The following DNAAF5 variants were observed in gnomAD, a reference collection of about 807,000 sequenced individuals.
DNAAF5 encodes the protein HEAT repeat containing 2.
In DNAAF5, 64 loss-of-function variants were observed where a neutral mutation model predicts 75.8. That is an observed-to-expected ratio of 0.84 (90% confidence interval 0.69 to 1.04). The LOEUF (loss-of-function observed/expected upper bound fraction) is 1.04, where lower values mean the gene tolerates loss of function less well. Among genes scored for constraint, DNAAF5 ranks in the 50% least tolerant of loss-of-function variants. DNAAF5 has a pLI of 0.00. For synonymous variants in DNAAF5, 657 were observed against 557.2 expected, an observed-to-expected ratio of 1.18 and a Z score of -2.52; for missense variants, 1,269 against 1,178.5, an observed-to-expected ratio of 1.08 and a Z score of -1.12.
intron 7 of DNAAF5, 56 bp from the exon 8 acceptor site, chr7:763,750 G>A: frequency 6.3e-7 from 1 of 1,576,346 alleles, no homozygotes; most frequent in Non-Finnish European, 8.7e-7. Flanking sequence ...CAGCAGGCAG[G>A]CAGGCTTGAG....
At chr7:757,310 A>G (rs1048130879) in intron 6 of DNAAF5, among the ~76,000 whole-genome samples, 6 of 52,750 alleles carry the variant, frequency 1.1e-4, no homozygotes, top group African/African-American at 4.1e-4. Context: ...TTTCTTGGCC[A>G]CACACCACAG....
At position 754,575 on chromosome 7, in the gene DNAAF5, C is replaced by CTTTTTT; in HGVS notation, c.1025-9_1025-8insTTTTTT. 1 of 1,604,756 alleles carries CTTTTTT rather than the reference C, an allele frequency of 6.2e-7. No homozygotes were observed. Among genetic ancestry groups the CTTTTTT allele is most frequent in the Admixed American group, 1.7e-5 (1 of 59,598 alleles). On this transcript the variant is annotated splice_polypyrimidine_tract_variant and intron_variant, in intron 4 of 12. Transcript: ENST00000297440. This position sits in a 1 kb window ranked among gnomAD's most constrained non-coding sequence, Gnocchi z 4.8. ...TTGTGAATTTCTCATTCTTCTTTCC[C>CTTTTTT]TTTTTCGTTCCAGAGCGCCGCCCTG...
At chr7:763,040 A>G (rs564564503) in intron 7 of DNAAF5, among the ~76,000 whole-genome samples, 52 of 152,298 alleles carry the variant, frequency 3.4e-4, no homozygotes, top group African/African-American at 9.4e-4. Flanking sequence ...CTCTGTGGAC[A>G]GCCCCTCTCG....
At chr7:779,903 G>C (rs769593785) in intron 11 of DNAAF5, 50 bp from the exon 12 acceptor site, 4 of 1,528,004 alleles carry the variant, frequency 2.6e-6, no homozygotes, top group African/African-American at 1.4e-5. Flanking sequence ...ACGTTTAGAC[G>C]TGAAATGTCT....
chr7:743,792 TCAC>T (rs1781996899), intron 4 of DNAAF5, among the ~76,000 whole-genome samples: 1 of 151,658 alleles, frequency 6.6e-6, no homozygotes, highest in African/African-American at 2.4e-5. Context: ...TTACAGGCAC[TCAC>T]CACCACGCCC....
chr7:732,933 A>G (rs1781631212), intron 2 of DNAAF5, among the ~76,000 whole-genome samples: 1 of 152,086 alleles, frequency 6.6e-6, no homozygotes, highest in South Asian at 2.1e-4. Flanking sequence ...GAGGTCTTTA[A>G]TCTATTTTGA....
At chr7:782,744 G>A (rs1264493057) in intron 12 of DNAAF5, among the ~76,000 whole-genome samples, 3 of 131,056 alleles carry the variant, frequency 2.3e-5, no homozygotes, top group Non-Finnish European at 3.2e-5. Flanking sequence ...CTCCCGTCAC[G>A]CAGCGTCAGA....
In DNAAF5 at chr7:764,086, G is replaced by T. The variant is rs549139622; in HGVS notation, c.1783+112G>T. The T allele has an allele frequency of 5.9e-6, 7 of 1,182,632 alleles. No individual in the cohort carries two copies. The Admixed American group carries it at 1.2e-4, about 20-fold the overall frequency. The allele number at this position is 1,182,632 out of a possible 1,614,324, so 73.3% of individuals were successfully genotyped here. On this transcript the variant is annotated intron_variant, in intron 8 of 12. Transcript: ENST00000297440. ...CCGACCAGCTGAGCTGTGGTTCACT[G>T]AAGCGTGTTGTTAAAAGTACCCAAT...
chr7:784,655 CCT>C (rs888260132), intron 12 of DNAAF5, among the ~76,000 whole-genome samples: 11 of 152,192 alleles, frequency 7.2e-5, no homozygotes, highest in African/African-American at 1.2e-4. Context: ...CCCGATGAAC[CCT>C]CCGTAAGCAT....
intron 2 of DNAAF5, among the ~76,000 whole-genome samples, chr7:731,617 G>A (rs1311764508): frequency 1.3e-5 from 2 of 152,174 alleles, no homozygotes; most frequent in Non-Finnish European, 2.9e-5. Flanking sequence ...AGCCCGGGAC[G>A]GCTTTGAATG....
intron 2 of DNAAF5, among the ~76,000 whole-genome samples, chr7:739,893 G>A (rs1781853070): frequency 6.6e-6 from 1 of 152,150 alleles, no homozygotes; most frequent in Non-Finnish European, 1.5e-5. Flanking sequence ...TGCTGCTCGG[G>A]TCCCCTGCAC....
chr7:752,362 G>A (rs929124457), intron 4 of DNAAF5, among the ~76,000 whole-genome samples: 2 of 147,780 alleles, frequency 1.4e-5, no homozygotes, highest in South Asian at 2.1e-4. Flanking sequence ...GAGTGATGAC[G>A]AAGCCTTTGT....
chr7:775,929 A>C (rs1469739489), intron 11 of DNAAF5, among the ~76,000 whole-genome samples: 2 of 152,160 alleles, frequency 1.3e-5, no homozygotes, highest in Non-Finnish European at 2.9e-5. Context: ...TTTATCAGAG[A>C]CTTGAGCATT....
intron 4 of DNAAF5, among the ~76,000 whole-genome samples, chr7:745,483 C>G (rs1053412351): frequency 1.3e-5 from 2 of 152,248 alleles, no homozygotes; most frequent in African/African-American, 4.8e-5. Flanking sequence ...CCTGTGCACA[C>G]ATGTACATGC....
chr7:726,974 T>A lies in DNAAF5; in HGVS notation c.254T>A (p.Leu85Gln). Residue 85 changes from leucine to glutamine, a missense_variant, in exon 1 of 13, where the codon CTG (leucine) becomes CAG (glutamine). By Grantham distance (113) the Leu-to-Gln change is moderately radical. Coordinates refer to ENST00000297440, the MANE Select transcript of DNAAF5 (RefSeq NM_017802.4). ...RLLLPRLLRCLSDPAEGCRAL... is the reference protein window; with the variant it reads ...RLLLPRLLRCQSDPAEGCRAL... ...CTGCTGCCGCGCTTGCTGCGCTGCC[T>A]GAGCGACCCCGCCGAGGGCTGCCGC... 1 of 1,303,576 alleles carries A rather than the reference T, an allele frequency of 7.7e-7. No homozygotes were observed. The highest frequency in any genetic ancestry group is 9.8e-7 in the Non-Finnish European group (1 of 1,021,750). The allele number at this position is 1,303,576 out of a possible 1,614,324, so 80.8% of individuals were successfully genotyped here.
At chr7:760,428 G>A (rs555255148) in intron 6 of DNAAF5, among the ~76,000 whole-genome samples, 7 of 152,186 alleles carry the variant, frequency 4.6e-5, no homozygotes, top group African/African-American at 1.7e-4. Flanking sequence ...ACATGGCCAC[G>A]GTCCTGACTC....
intron 2 of DNAAF5, among the ~76,000 whole-genome samples, chr7:732,241 T>C (rs1416600545): frequency 6.6e-6 from 1 of 152,240 alleles, no homozygotes. Context: ...CAGGGGCTAA[T>C]GCATCTCCCC....
At chr7:728,406 C>A (rs545412430) in intron 1 of DNAAF5, among the ~76,000 whole-genome samples, 1 of 152,262 alleles carries the variant, frequency 6.6e-6, no homozygotes, top group Admixed American at 6.5e-5. Context: ...AAGTGATAGA[C>A]CCGAGTTCAG....
chr7:732,493 G>T (rs1422845128), intron 2 of DNAAF5: 38 of 455,322 alleles, frequency 8.3e-5, no homozygotes, highest in South Asian at 5.3e-4. Context: ...TGTGCTGCTG[G>T]TGAGGCCACC....
Sources: allele counts gnomAD v4.1 joint callset (sites outside exome capture counted in the v4.1 genomes callset), GRCh38; gene constraint gnomAD v4.1.1; non-coding constraint Gnocchi (gnomAD v3.1); transcripts MANE v1.5; gene names NCBI Gene and HGNC (gene_info 2026-07-23, HGNC 2026-07-21).